Variants in FRYL observed in about 807,000 individuals in gnomAD.
The protein encoded by FRYL is protein furry homolog-like.
In FRYL, 150 loss-of-function variants were observed where a neutral mutation model predicts 351.2. The observed-to-expected ratio is 0.43, with a 90% CI of 0.37 to 0.49. The LOEUF is 0.49. Among genes scored for constraint, FRYL ranks in the 20% least tolerant of loss-of-function variants. FRYL has a pLI of 0.00. For missense variants in FRYL, 3,036 were observed against 3,619.3 expected, an observed-to-expected ratio of 0.84 and a Z score of 4.13; for synonymous variants, 1,153 against 1,257.1, an observed-to-expected ratio of 0.92 and a Z score of 1.75.
rs77836603 is a variant in FRYL at position 48,566,692 on chromosome 4, T to C, written c.3169+556A>G. Among the ~76,000 whole-genome samples, 423 of 152,318 alleles carry C rather than the reference T, an allele frequency of 2.8e-3. 4 individuals carry two copies. Among genetic ancestry groups the C allele is most frequent in the Non-Finnish European group, 4.1e-3 (277 of 68,026 alleles). Reference sequence around the variant, plus strand: ...TTTCAAAGAGAAAAAGAAACACTTATAGTGTATGCCAAAGGCTAGTCACAT... The same window carrying C: ...TTTCAAAGAGAAAAAGAAACACTTACAGTGTATGCCAAAGGCTAGTCACAT... On this transcript the variant is annotated intron_variant, in intron 28 of 63. Coordinates refer to ENST00000358350, the MANE Select transcript of FRYL (RefSeq NM_015030.2).
chr4:48,581,882 G>C (rs570877295), intron 20 of FRYL, among the ~76,000 whole-genome samples: 5 of 152,250 alleles, frequency 3.3e-5, no homozygotes, highest in African/African-American at 1.2e-4. Flanking sequence ...TGATTTCTAT[G>C]TGGAAAATGA....
intron 47 of FRYL, among the ~76,000 whole-genome samples, chr4:48,537,579 A>C (rs1217488878): frequency 6.6e-6 from 1 of 152,230 alleles, no homozygotes; most frequent in East Asian, 1.9e-4. Flanking sequence ...TAAGGAACCA[A>C]TTTAATTCAC....
intron 3 of FRYL, among the ~76,000 whole-genome samples, chr4:48,679,706 A>G (rs562579119): frequency 2.6e-5 from 4 of 152,056 alleles, no homozygotes; most frequent in Non-Finnish European, 5.9e-5. Context: ...CAAAGAAATG[A>G]TAAATGTCTG....
chr4:48,732,216 C>T (rs1355061499), intron 1 of FRYL, among the ~76,000 whole-genome samples: 2 of 152,132 alleles, frequency 1.3e-5, no homozygotes, highest in African/African-American at 2.4e-5. Context: ...CAAATCAAAA[C>T]CACAATGAGA....
intron 3 of FRYL, chr4:48,637,231 CT>C (rs1034264609): frequency 6.6e-6 from 1 of 152,024 alleles, no homozygotes; most frequent in Admixed American, 6.6e-5. Context: ...CATTAATATT[CT>C]AAACACAAAT....
chr4:48,499,806 G>A, intron 63 of FRYL, 126 bp from the exon 64 acceptor site: 1 of 960,054 alleles, frequency 1.0e-6, no homozygotes, highest in Non-Finnish European at 1.5e-6. Flanking sequence ...TAATATTTGA[G>A]CAAATATTAC....
chr4:48,671,389 C>T (rs1199141357), intron 3 of FRYL, among the ~76,000 whole-genome samples: 1 of 152,058 alleles, frequency 6.6e-6, no homozygotes, highest in Non-Finnish European at 1.5e-5. Flanking sequence ...AAGCTAGGGC[C>T]GGGTGTGGTG....
Position 48,567,628 on chromosome 4 carries a change from G to T in FRYL, c.2997-208C>A, listed in dbSNP as rs73817807. Among the ~76,000 whole-genome samples, 4,429 of 152,236 alleles carry T rather than the reference G, an allele frequency of 0.029. 75 individuals carry two copies. The highest frequency in any genetic ancestry group is 0.046 in the Admixed American group (707 of 15,286). ...GCTTCTTAATCTAGGAACTGCTATT[G>T]CAATTTATATTATTCAACTCCATAT... On this transcript the variant is annotated intron_variant, in intron 27 of 63. Transcript: ENST00000358350. The surrounding 1 kb of genome is among the most constrained non-coding windows in gnomAD (Gnocchi z 4.2).
At chr4:48,595,238 T>C (rs1744361312) in intron 15 of FRYL, among the ~76,000 whole-genome samples, 1 of 152,248 alleles carries the variant, frequency 6.6e-6, no homozygotes, top group Non-Finnish European at 1.5e-5. Context: ...CTATATTCCT[T>C]TCGAGGTCCC....
At chr4:48,643,290 G>A (rs1286447403) in intron 3 of FRYL, among the ~76,000 whole-genome samples, 2 of 152,278 alleles carry the variant, frequency 1.3e-5, no homozygotes, top group Non-Finnish European at 2.9e-5. Flanking sequence ...GTAGCTTAGA[G>A]GGTGAGATGA....
intron 1 of FRYL, among the ~76,000 whole-genome samples, chr4:48,769,608 C>T (rs1775311285): frequency 6.6e-6 from 1 of 152,038 alleles, no homozygotes; most frequent in Non-Finnish European, 1.5e-5. Flanking sequence ...GAAATGAAAA[C>T]CTAAAAACTG....
chr4:48,607,633 C>G (rs550881649), intron 9 of FRYL, among the ~76,000 whole-genome samples: 21 of 152,256 alleles, frequency 1.4e-4, no homozygotes, highest in Non-Finnish European at 1.9e-4. Flanking sequence ...TTCCCCACTC[C>G]CACTCAACCC....
chr4:48,683,600 T>C (rs1306467868), intron 3 of FRYL, among the ~76,000 whole-genome samples: 1 of 152,088 alleles, frequency 6.6e-6, no homozygotes, highest in African/African-American at 2.4e-5. Flanking sequence ...TTTAAGGATT[T>C]ATTAATACAA....
At chr4:48,756,224 C>T (rs1482436285) in intron 1 of FRYL, among the ~76,000 whole-genome samples, 1 of 144,512 alleles carries the variant, frequency 6.9e-6, no homozygotes, top group East Asian at 2.0e-4. Context: ...CAGAGCAAGA[C>T]TTTGTCTCAA....
chr4:48,550,639 T>C lies in FRYL; in HGVS notation c.4586A>G (p.Glu1529Gly), dbSNP rs1168487820. 1.9e-6 allele frequency: 3 copies of C among 1,614,076 alleles called. No individual in the cohort carries two copies. ...TCCAGAGCTGCTACTGTATCGGGAT[T>C]CTAGTCTGTGATGTTGCCGATTCAA... Reference protein sequence around the residue: ...SHLNRQHHRLESRYSSSSGGS... With the variant: ...SHLNRQHHRLGSRYSSSSGGS... The change falls in exon 38 of 64, where the codon GAA becomes GGA. Residue 1529 changes from glutamate to glycine, a missense_variant. Physicochemically the swap from Glu to Gly is moderately conservative, Grantham distance 98 (BLOSUM62 -2). Transcript: ENST00000358350.
chr4:48,556,577 A>G (rs1734172734), intron 35 of FRYL, among the ~76,000 whole-genome samples: 14 of 152,170 alleles, frequency 9.2e-5, no homozygotes, highest in Admixed American at 8.5e-4. Context: ...TTCAGCTTCA[A>G]TATCACTTTC....
At chr4:48,636,008 TA>T (rs1475772156) in intron 3 of FRYL, among the ~76,000 whole-genome samples, 1 of 152,168 alleles carries the variant, frequency 6.6e-6, no homozygotes, top group African/African-American at 2.4e-5. Flanking sequence ...CACAAATCTG[TA>T]AAAGTAATCT....
intron 7 of FRYL, among the ~76,000 whole-genome samples, chr4:48,615,073 GTCTCGGCC>G (rs1385392257): frequency 2.0e-5 from 3 of 152,052 alleles, no homozygotes; most frequent in Non-Finnish European, 4.4e-5. Context: ...TGATCCACCC[GTCTCGGCC>G]TCACAAAGTG....
At chr4:48,772,955 G>A (rs1228594047) in intron 1 of FRYL, among the ~76,000 whole-genome samples, 1 of 152,164 alleles carries the variant, frequency 6.6e-6, no homozygotes, top group African/African-American at 2.4e-5. Context: ...GATGTCGTTG[G>A]TGAAAACGTT....
Sources: allele counts gnomAD v4.1 joint callset (sites outside exome capture counted in the v4.1 genomes callset), GRCh38; gene constraint gnomAD v4.1.1; non-coding constraint Gnocchi (gnomAD v3.1); transcripts MANE v1.5; gene names NCBI Gene and HGNC (gene_info 2026-07-23, HGNC 2026-07-21).